The following CALD1 variants were observed in gnomAD, a reference collection of about 807,000 sequenced individuals.
The protein encoded by CALD1 is caldesmon 1, also known as caldesmon.
Under a neutral mutation model 99.9 loss-of-function variants are expected in CALD1, and 33 were observed. The ratio of observed to expected loss-of-function variants is 0.33; its 90% CI spans 0.25 to 0.44. The LOEUF is 0.44. Ranked by LOEUF, CALD1 falls within the 20% of genes least tolerant of loss-of-function variation. The pLI is 1.00. For synonymous variants in CALD1, 310 were observed against 325.0 expected, an observed-to-expected ratio of 0.95 and a Z score of 0.50; for missense variants, 861 against 962.1, an observed-to-expected ratio of 0.89 and a Z score of 1.39.
intron 1 of CALD1, among the ~76,000 whole-genome samples, chr7:134,830,726 T>C (rs1032179965): frequency 3.9e-5 from 6 of 152,220 alleles, no homozygotes; most frequent in Non-Finnish European, 5.9e-5. Flanking sequence ...TCCATGTCCC[T>C]GAGAAGGATA....
chr7:134,954,132 C>T (rs1443634864), intron 9 of CALD1, among the ~76,000 whole-genome samples: 1 of 152,124 alleles, frequency 6.6e-6, no homozygotes, highest in East Asian at 1.9e-4. Flanking sequence ...AAAATACTAC[C>T]AACTACTGTA....
intron 1 of CALD1, among the ~76,000 whole-genome samples, chr7:134,784,959 C>G (rs760609733): frequency 1.3e-5 from 2 of 152,140 alleles, no homozygotes; most frequent in Non-Finnish European, 2.9e-5. Context: ...AGACTATTGT[C>G]TTTGGCAAAT....
At chr7:134,814,221 T>A (rs1248298082) in intron 1 of CALD1, among the ~76,000 whole-genome samples, 1 of 152,218 alleles carries the variant, frequency 6.6e-6, no homozygotes, top group Non-Finnish European at 1.5e-5. Context: ...GGAAGAGCTA[T>A]AAATCACGAG....
intron 1 of CALD1, among the ~76,000 whole-genome samples, chr7:134,794,083 C>T (rs1797653049): frequency 6.6e-6 from 1 of 152,140 alleles, no homozygotes; most frequent in South Asian, 2.1e-4. Context: ...ATTTCTGAAA[C>T]AAATCAAGGC....
the CALD1 span, chr7:134,735,045 T>C: frequency 4.3e-6 from 1 of 231,734 alleles, no homozygotes; most frequent in South Asian, 8.0e-5. Context: ...CATGTACCAA[T>C]GCAGGAAGAC....
At chr7:134,946,687 C>CT (rs1045166148) in intron 7 of CALD1, among the ~76,000 whole-genome samples, 8 of 130,370 alleles carry the variant, frequency 6.1e-5, no homozygotes, top group African/African-American at 2.0e-4. Context: ...TTTTTTTTCT[C>CT]TTTTTTTCTT....
intron 9 of CALD1, among the ~76,000 whole-genome samples, chr7:134,951,729 G>C (rs1272747211): frequency 6.6e-6 from 1 of 152,204 alleles, no homozygotes; most frequent in African/African-American, 2.4e-5. Context: ...GGAGATGATA[G>C]AATAGTTGAG....
rs371342595 is a variant in CALD1, at chr7:134,928,798, G to A, written c.116G>A (p.Arg39Gln). The A allele has an allele frequency of 3.3e-5, 54 of 1,613,832 alleles. No individual in the cohort carries two copies. The highest frequency in any genetic ancestry group is 4.5e-5 in the Non-Finnish European group (53 of 1,179,946). The change falls in exon 4 of 15, where the codon CGG becomes CAG. Residue 39 changes from arginine to glutamine, a missense_variant. By Grantham distance (43) the Arg-to-Gln change is conservative. Coordinates refer to ENST00000361675, the MANE Select transcript of CALD1 (RefSeq NM_033138.4). ...RNDDDEEEAA[R>Q]ERRRRARQER... ...GACGATGATGAAGAGGAGGCAGCCC[G>A]GGAACGGCGCCGCCGAGCCCGACAG...
chr7:134,775,481 G>T (rs999657559), upstream of CALD1, among the ~76,000 whole-genome samples: 1 of 152,210 alleles, frequency 6.6e-6, no homozygotes, highest in Non-Finnish European at 1.5e-5. Flanking sequence ...GGAGGCCGAG[G>T]CGGGTGGATC....
intron 3 of CALD1, among the ~76,000 whole-genome samples, chr7:134,872,613 A>G (rs1801151477): frequency 6.6e-6 from 1 of 152,196 alleles, no homozygotes; most frequent in Non-Finnish European, 1.5e-5. Context: ...CAGTAGGGAC[A>G]GTATCCCAGT....
intron 3 of CALD1, among the ~76,000 whole-genome samples, chr7:134,892,031 C>T (rs967048921): frequency 5.3e-5 from 8 of 152,144 alleles, no homozygotes; most frequent in African/African-American, 1.9e-4. Context: ...CTTAGCCCTC[C>T]GTTCAGAATG....
chr7:134,763,171 C>G (rs974191801), intron 1 of CALD1, among the ~76,000 whole-genome samples: 1 of 152,018 alleles, frequency 6.6e-6, no homozygotes, highest in African/African-American at 2.4e-5. Context: ...ATAAAAACTT[C>G]CCAGAAATTA....
At chr7:134,891,277 C>A (rs1401598007) in intron 3 of CALD1, 1 of 635,612 alleles carries the variant, frequency 1.6e-6, no homozygotes. Flanking sequence ...GACTACCCAG[C>A]AATAACATTT....
At chr7:134,778,465 C>T (rs948404968), upstream of CALD1, among the ~76,000 whole-genome samples, 1 of 152,182 alleles carries the variant, frequency 6.6e-6, no homozygotes, top group Non-Finnish European at 1.5e-5. Context: ...ATGAAACAGT[C>T]TCAAACATAT....
intron 2 of CALD1, among the ~76,000 whole-genome samples, chr7:134,865,309 G>C (rs1033792004): frequency 6.6e-6 from 1 of 151,944 alleles, no homozygotes; most frequent in African/African-American, 2.4e-5. Context: ...GGTTGATACC[G>C]AGAGCCATTT....
At chr7:134,733,343 G>A in the CALD1 span, among the ~76,000 whole-genome samples, 1 of 152,080 alleles carries the variant, frequency 6.6e-6, no homozygotes. Context: ...GATGAGTTAC[G>A]GGTGGCACAA....
chr7:134,894,149 T>C (rs1232548334), intron 3 of CALD1, among the ~76,000 whole-genome samples: 1 of 152,118 alleles, frequency 6.6e-6, no homozygotes, highest in Non-Finnish European at 1.5e-5. Context: ...GGACAAAATA[T>C]GGGGGAGGCT....
intron 1 of CALD1, among the ~76,000 whole-genome samples, chr7:134,746,918 G>A (rs1242523075): frequency 6.6e-6 from 1 of 152,208 alleles, no homozygotes; most frequent in Non-Finnish European, 1.5e-5. Context: ...GCAAAGTGTT[G>A]AAGATGTAGC....
chr7:134,940,970 T>C (rs1806380203), intron 6 of CALD1, 122 bp from the exon 7 acceptor site: 1 of 693,670 alleles, frequency 1.4e-6, no homozygotes, highest in South Asian at 2.1e-5. Flanking sequence ...CTACCACATC[T>C]GAGTGGTTTC....
Sources: gnomAD v4.1 joint callset for allele counts (sites outside exome capture counted in the v4.1 genomes callset) on GRCh38, gnomAD v4.1.1 for gene constraint, MANE v1.5 for transcripts, NCBI Gene and HGNC (gene_info 2026-07-23, HGNC 2026-07-21) for gene names.